CFAP54: variants seen among roughly 807,000 people sequenced by gnomAD.
The protein encoded by CFAP54 is cilia- and flagella-associated protein 54.
A neutral mutation model predicts 370.4 loss-of-function variants in CFAP54; 290 were observed. That is an observed-to-expected ratio of 0.78 (90% CI 0.71 to 0.86). The LOEUF is 0.86. CFAP54 is among the 40% of genes least tolerant of loss of function. CFAP54 has a pLI of 0.00. For synonymous variants in CFAP54, 1,206 were observed against 1,236.5 expected, an observed-to-expected ratio of 0.98 and a Z score of 0.52; for missense variants, 3,399 against 3,528.7, an observed-to-expected ratio of 0.96 and a Z score of 0.93.
intron 39 of CFAP54, among the ~76,000 whole-genome samples, chr12:96,671,923 C>G (rs1232150160): frequency 2.3e-5 from 3 of 131,966 alleles, no homozygotes; most frequent in Non-Finnish European, 3.2e-5. Flanking sequence ...ACTCTTATCT[C>G]AAAAAAGAGA....
chr12:96,499,982 C>CA lies in CFAP54; in HGVS notation c.318-844dup, dbSNP rs1555217899. ...CAAAACAAAACAAAACAAAACAAAA[C>CA]AAAAAAAACCGTGCGCATCAGTATT... On this transcript the variant is annotated intron_variant, in intron 1 of 67. Coordinates refer to ENST00000524981, the MANE Select transcript of CFAP54 (RefSeq NM_001306084.2). Among the ~76,000 whole-genome samples, 300 of 146,646 alleles carry CA rather than the reference C, an allele frequency of 2.0e-3. 2 individuals carry two copies. The highest frequency in any genetic ancestry group is 6.9e-3 in the African/African-American group (276 of 39,732).
rs554636758 is a variant in CFAP54, at chr12:96,525,655, C to G, written c.1159-1591C>G. ...AAAATCTTAGGAAAAACTCTTACCT[C>G]TGTAAGAAAAGAGAAGGTAGGGCAT... On this transcript the variant is annotated intron_variant, in intron 8 of 67. Coordinates refer to ENST00000524981, the MANE Select transcript of CFAP54 (RefSeq NM_001306084.2). Among the ~76,000 whole-genome samples the G allele has an allele frequency of 4.6e-5, 7 of 152,266 alleles. No individual in the cohort carries two copies. The East Asian group carries it at 1.3e-3, about 29-fold the overall frequency.
chr12:96,725,336 T>C lies in CFAP54; in HGVS notation c.6965+4771T>C, dbSNP rs1295839068. Among the ~76,000 whole-genome samples the C allele has an allele frequency of 7.2e-5, 11 of 152,134 alleles. No homozygotes were observed. In the East Asian group the frequency reaches 1.7e-3, roughly 24 times the overall value. ...TGGAATGTTCTTCCATTTGTTTGTA[T>C]CCTCTTTTATTTCATTGAGCAGTGG... is the stretch of plus-strand genomic sequence containing the variant. On this transcript the variant is annotated intron_variant, in intron 50 of 67. Coordinates refer to ENST00000524981, the MANE Select transcript of CFAP54 (RefSeq NM_001306084.2).
chr12:96,657,085 A>C (rs1956930120), intron 36 of CFAP54, among the ~76,000 whole-genome samples: 1 of 152,172 alleles, frequency 6.6e-6, no homozygotes, highest in Non-Finnish European at 1.5e-5. Context: ...GATACTTCAC[A>C]CCCATGTATA....
rs1955327952 is a variant in CFAP54, at chr12:96,522,160, A to G, written c.1129A>G (p.Ile377Val). 2.6e-6 allele frequency: 4 copies of G among 1,534,474 alleles called. 1 individual carries two copies. ...AAACAAAGCTGTCTTTAGACCTAAG[A>G]TAAGAATTAACCTAAGGGAAGTACA... ...RKNKAVFRPK[I>V]RINLREVQTL... is the part of the protein sequence containing the mutation. The change falls in exon 8 of 68, where the codon ATA (isoleucine) becomes GTA (valine). Residue 377 changes from isoleucine to valine, a missense_variant. Transcript: ENST00000524981.
At chr12:96,662,669 CT>C (rs1565933124) in intron 38 of CFAP54, among the ~76,000 whole-genome samples, 1 of 152,120 alleles carries the variant, frequency 6.6e-6, no homozygotes, top group Admixed American at 6.6e-5. Flanking sequence ...ACATATCCCC[CT>C]GATCTCTCCA....
In CFAP54 at chr12:96,608,332, C is replaced by T. The variant is rs1038458249; in HGVS notation, c.3639+9565C>T. 2.6e-4 allele frequency among the ~76,000 whole-genome samples: 36 copies of T among 140,636 alleles called. No individual in the cohort carries two copies. In the South Asian group the frequency reaches 4.7e-3, roughly 18 times the overall value. 92.3% of individuals were successfully genotyped at this position (140,636 alleles called of 152,430 possible). On this transcript the variant is annotated intron_variant, in intron 26 of 67. Transcript: ENST00000524981. ...ATACACACACACACACACACACACA[C>T]ACATACGCACACACATACATATAAA...
At chr12:96,812,299 A>G (rs751096037) in intron 64 of CFAP54, among the ~76,000 whole-genome samples, 15 of 151,794 alleles carry the variant, frequency 9.9e-5, no homozygotes, top group Non-Finnish European at 1.8e-4. Flanking sequence ...AAACTCCACT[A>G]CCTCCCTTGG....
intron 67 of CFAP54, among the ~76,000 whole-genome samples, chr12:96,866,451 T>C (rs1371018013): frequency 1.3e-5 from 2 of 152,158 alleles, no homozygotes; most frequent in African/African-American, 4.8e-5. Flanking sequence ...GCAAATGAAT[T>C]GCTTTTGTTC....
At chr12:96,575,957 T>C (rs1413295063) in intron 19 of CFAP54, among the ~76,000 whole-genome samples, 1 of 152,118 alleles carries the variant, frequency 6.6e-6, no homozygotes, top group East Asian at 1.9e-4. Flanking sequence ...ATTATTATTA[T>C]TGCTTATGTA....
At chr12:96,808,439 C>A (rs75540319) in intron 63 of CFAP54, among the ~76,000 whole-genome samples, 1 of 152,046 alleles carries the variant, frequency 6.6e-6, no homozygotes, top group Non-Finnish European at 1.5e-5. Flanking sequence ...AGAGTACTCA[C>A]GAGACTTCAC....
At chr12:96,622,268 A>G (rs1956505402) in intron 27 of CFAP54, among the ~76,000 whole-genome samples, 3 of 151,924 alleles carry the variant, frequency 2.0e-5, no homozygotes, top group South Asian at 2.1e-4. Flanking sequence ...CCTTGAAACT[A>G]TGTAGTTTTG....
At chr12:96,760,931 A>G (rs748177775) in intron 58 of CFAP54, among the ~76,000 whole-genome samples, 1 of 152,172 alleles carries the variant, frequency 6.6e-6, no homozygotes, top group Non-Finnish European at 1.5e-5. Flanking sequence ...GCACATTCAT[A>G]TACAAGTTTT....
At chr12:96,687,712 G>T (rs1340062003) in intron 42 of CFAP54, among the ~76,000 whole-genome samples, 1 of 152,014 alleles carries the variant, frequency 6.6e-6, no homozygotes. Flanking sequence ...TTGTGCTCCT[G>T]GGATAGAACA....
At position 96,627,090 on chromosome 12, in the gene CFAP54, T is replaced by A. The variant is rs145628542; in HGVS notation, c.4103+151T>A. 6.4e-4 allele frequency among the ~76,000 whole-genome samples: 97 copies of A among 152,260 alleles called. No individual in the cohort carries two copies. The East Asian group carries it at 0.012, about 19-fold the overall frequency. ...GAGATAGTGAAAATTCATGTCTGTG[T>A]AAATAAATAACTAAAAATAAAAATA... On this transcript the variant is annotated intron_variant, in intron 30 of 67. Transcript: ENST00000524981.
intron 5 of CFAP54, among the ~76,000 whole-genome samples, chr12:96,515,727 T>C (rs1955222999): frequency 6.6e-6 from 1 of 152,100 alleles, no homozygotes; most frequent in Non-Finnish European, 1.5e-5. Context: ...GCTTTTGTTA[T>C]TATTGAATCT....
At position 96,684,634 on chromosome 12, in the gene CFAP54, G is replaced by A. The variant is rs879333393; in HGVS notation, c.5717-14G>A. ...GGAACTGACATTTGTTCTTTTACTTGATTAAAAATATAGATGTTCTCCAAG... is the reference window on the plus strand; with the variant it reads ...GGAACTGACATTTGTTCTTTTACTTAATTAAAAATATAGATGTTCTCCAAG... On this transcript the variant is annotated splice_polypyrimidine_tract_variant and intron_variant, in intron 40 of 67. Transcript: ENST00000524981. The A allele has an allele frequency of 4.4e-6, 7 of 1,589,428 alleles. No homozygotes were observed. In the Admixed American group the frequency reaches 5.5e-5, roughly 12 times the overall value.
chr12:96,712,969 A>G (rs1296449374), intron 48 of CFAP54, among the ~76,000 whole-genome samples: 8 of 152,230 alleles, frequency 5.3e-5, no homozygotes. Flanking sequence ...GGAAAATGCA[A>G]ATCAAAACCA....
chr12:96,648,403 C>T (rs917356854), intron 34 of CFAP54, among the ~76,000 whole-genome samples: 2 of 152,014 alleles, frequency 1.3e-5, no homozygotes, highest in African/African-American at 2.4e-5. Flanking sequence ...CATACTAATA[C>T]AAGCAGTCAC....
Sources: allele counts gnomAD v4.1 joint callset (sites outside exome capture counted in the v4.1 genomes callset), GRCh38; gene constraint gnomAD v4.1.1; transcripts MANE v1.5; gene names NCBI Gene and HGNC (gene_info 2026-07-23, HGNC 2026-07-21).